The following CNTNAP2 variants were observed in gnomAD, a reference collection of about 807,000 sequenced individuals.
The protein encoded by CNTNAP2 is contactin associated protein 2.
A neutral mutation model predicts 155.2 loss-of-function variants in CNTNAP2; 98 were observed. That is an observed-to-expected ratio of 0.63 (90% CI 0.54 to 0.75). CNTNAP2 has a LOEUF of 0.75. Ranked by LOEUF, CNTNAP2 falls within the 30% of genes least tolerant of loss-of-function variation. CNTNAP2 has a pLI of 0.00. For synonymous variants in CNTNAP2, 651 were observed against 631.2 expected (o/e 1.03, Z -0.47); for missense variants, 1,727 against 1,688.1 (o/e 1.02, Z -0.40).
chr7:146,722,036 G>A (rs1033214146), intron 1 of CNTNAP2, among the ~76,000 whole-genome samples: 11 of 149,660 alleles, frequency 7.3e-5, no homozygotes, highest in Admixed American at 2.0e-4. Flanking sequence ...TACAGGTGCC[G>A]GCTACCATGC....
intron 11 of CNTNAP2, among the ~76,000 whole-genome samples, chr7:147,555,386 T>G (rs1179290145): frequency 6.6e-6 from 1 of 152,126 alleles, no homozygotes; most frequent in East Asian, 1.9e-4. Flanking sequence ...AATCCCTCAT[T>G]TTAGCATCTT....
intron 13 of CNTNAP2, among the ~76,000 whole-genome samples, chr7:147,842,082 A>C (rs1175839272): frequency 2.6e-5 from 4 of 152,246 alleles, no homozygotes; most frequent in African/African-American, 7.2e-5. Flanking sequence ...CATGTGTTAC[A>C]CAGGTGCTTA....
At chr7:147,783,587 A>G (rs926259416) in intron 13 of CNTNAP2, among the ~76,000 whole-genome samples, 1 of 152,214 alleles carries the variant, frequency 6.6e-6, no homozygotes, top group African/African-American at 2.4e-5. Context: ...GATCAAGATG[A>G]CCACAAGTTT....
intron 13 of CNTNAP2, among the ~76,000 whole-genome samples, chr7:147,788,806 A>G (rs1053956889): frequency 6.6e-6 from 1 of 151,644 alleles, no homozygotes; most frequent in Non-Finnish European, 1.5e-5. Flanking sequence ...AAAAAATCCC[A>G]AAAATCCCAG....
chr7:146,444,845 A>G (rs988846092), intron 1 of CNTNAP2, among the ~76,000 whole-genome samples: 6 of 151,094 alleles, frequency 4.0e-5, no homozygotes, highest in African/African-American at 1.2e-4. Context: ...TTTAGTGGAG[A>G]CAGCTTTCAC....
At chr7:147,149,643 A>ATAGATAGATGGATGGATAGATAGG (rs1801784943) in intron 8 of CNTNAP2, among the ~76,000 whole-genome samples, 1 of 152,106 alleles carries the variant, frequency 6.6e-6, no homozygotes, top group African/African-American at 2.4e-5. Context: ...TGGATAGTGG[A>ATAGATAGATGGATGGATAGATAGG]TAGATAGATG....
In CNTNAP2 at chr7:147,331,035, C is replaced by G. The variant is rs1219623322; in HGVS notation, c.1498+30745C>G. On this transcript the variant is annotated intron_variant, in intron 9 of 23. Transcript: ENST00000361727. ...GGCCCTGGGAGTTGAGTAAACTGCT[C>G]ATACAACTAGGGACTAGTGAGTGAC... 2.0e-5 allele frequency among the ~76,000 whole-genome samples: 3 copies of G among 152,154 alleles called. No homozygotes were observed. The East Asian group carries it at 5.8e-4, about 29-fold the overall frequency.
At position 147,448,482 on chromosome 7, in the gene CNTNAP2, G is replaced by GTATATATATATATA. The variant is rs10635826; in HGVS notation, c.1671-37452_1671-37451insATATATATATATAT. 1.2e-4 allele frequency among the ~76,000 whole-genome samples: 12 copies of GTATATATATATATA among 103,364 alleles called. No homozygotes were observed. The East Asian group carries it at 3.0e-3, about 25-fold the overall frequency. The allele number at this position is 103,364 out of a possible 152,430, so 67.8% of individuals were successfully genotyped here. On this transcript the variant is annotated intron_variant, in intron 10 of 23. Transcript: ENST00000361727. ...AAAAACAAACCAAATATGTGTGTGT[G>GTATATATATATATA]TGTATATATATATATATATATATGC...
chr7:146,757,637 C>G (rs551348620), intron 1 of CNTNAP2, among the ~76,000 whole-genome samples: 1 of 152,206 alleles, frequency 6.6e-6, no homozygotes, highest in South Asian at 2.1e-4. Context: ...AGAGAGTTGA[C>G]AACTAAATGG....
chr7:146,565,942 T>G (rs1203037352), intron 1 of CNTNAP2, among the ~76,000 whole-genome samples: 1 of 152,264 alleles, frequency 6.6e-6, no homozygotes. Flanking sequence ...GTTATTTCAG[T>G]CTTCCTCATC....
At chr7:147,089,935 G>T (rs1800364617) in intron 4 of CNTNAP2, among the ~76,000 whole-genome samples, 1 of 152,192 alleles carries the variant, frequency 6.6e-6, no homozygotes, top group Non-Finnish European at 1.5e-5. Flanking sequence ...TCTCTGAAAT[G>T]TTCTTCAGTA....
At chr7:147,516,922 C>T (rs541414814) in intron 11 of CNTNAP2, among the ~76,000 whole-genome samples, 19 of 144,748 alleles carry the variant, frequency 1.3e-4, no homozygotes, top group African/African-American at 3.4e-4. Flanking sequence ...AGTGCAGTGG[C>T]GCAATCTCGG....
At chr7:146,986,858 C>T (rs10247690) in intron 3 of CNTNAP2, among the ~76,000 whole-genome samples, 3 of 151,798 alleles carry the variant, frequency 2.0e-5, no homozygotes, top group East Asian at 1.9e-4. Context: ...TAGGATTGTT[C>T]GTTTTTTTCT....
intron 18 of CNTNAP2, among the ~76,000 whole-genome samples, chr7:148,215,508 G>T (rs10225217): frequency 0.047 from 4,305 of 92,388 alleles, 217 homozygotes; most frequent in African/African-American, 0.15. Flanking sequence ...ATTTCTCAGG[G>T]CTTTCTTTTT....
Position 146,845,505 on chromosome 7 carries a change from CAT to C in CNTNAP2, c.402+5602_402+5603del, listed in dbSNP as rs554879998. The stretch of plus-strand genomic sequence containing the variant: ...TTTTTCAAGCTATTAAGATTAGAAA[CAT>C]GTGTGTCATCAATTCCCAATTTTAG... On this transcript the variant is annotated intron_variant, in intron 3 of 23. Transcript: ENST00000361727. Among the ~76,000 whole-genome samples the C allele has an allele frequency of 3.1e-3, 470 of 152,258 alleles. 1 individual carries two copies. The highest frequency in any genetic ancestry group is 0.014 in the Middle Eastern group (4 of 294).
chr7:148,366,300 A>G lies in CNTNAP2; in HGVS notation c.3476-17349A>G, dbSNP rs191668899. ...TATATATGTATGTGTACATGTATATATGTATGTATGTATACATTATGTATA... is the reference window on the plus strand; with the variant it reads ...TATATATGTATGTGTACATGTATATGTGTATGTATGTATACATTATGTATA... On this transcript the variant is annotated intron_variant, in intron 21 of 23. Transcript: ENST00000361727. 1.9e-3 allele frequency among the ~76,000 whole-genome samples: 278 copies of G among 147,272 alleles called. 7 individuals are homozygous for G. In the East Asian group the frequency reaches 0.049, roughly 26 times the overall value.
intron 4 of CNTNAP2, among the ~76,000 whole-genome samples, chr7:147,083,842 A>G (rs1327801584): frequency 5.7e-5 from 8 of 141,508 alleles, no homozygotes; most frequent in Non-Finnish European, 1.2e-4. Flanking sequence ...ATGTATGTAC[A>G]TATTATATAC....
intron 12 of CNTNAP2, among the ~76,000 whole-genome samples, chr7:147,574,661 G>A (rs1354642008): frequency 6.6e-6 from 1 of 151,896 alleles, no homozygotes; most frequent in Non-Finnish European, 1.5e-5. Flanking sequence ...TTTCTGATCT[G>A]GTTGCCAACA....
intron 1 of CNTNAP2, among the ~76,000 whole-genome samples, chr7:146,443,771 G>A (rs1350420298): frequency 6.6e-6 from 1 of 152,088 alleles, no homozygotes; most frequent in African/African-American, 2.4e-5. Context: ...CTATCCTAGC[G>A]CTGTCAATAG....
Sources: gnomAD v4.1 joint callset for allele counts (sites outside exome capture counted in the v4.1 genomes callset) on GRCh38, gnomAD v4.1.1 for gene constraint, MANE v1.5 for transcripts, NCBI Gene and HGNC (gene_info 2026-07-23, HGNC 2026-07-21) for gene names.